The following CTNNA3 variants were observed in gnomAD, a reference collection of about 807,000 sequenced individuals.
The protein encoded by CTNNA3 is catenin alpha 3.
CTNNA3 carries 76 observed loss-of-function variants against 95.7 expected under a neutral mutation model. That is an observed-to-expected ratio of 0.79 (90% CI 0.66 to 0.96). The LOEUF is 0.96. CTNNA3 is among the 40% of genes least tolerant of loss of function. The probability of loss-of-function intolerance (pLI) is 0.00; values close to 1 mark genes in which losing one functional copy is unlikely to be tolerated. For synonymous variants in CTNNA3, 431 were observed against 374.4 expected (o/e 1.15, Z -1.74); for missense variants, 1,191 against 1,089.8 (o/e 1.09, Z -1.31).
intron 13 of CTNNA3, among the ~76,000 whole-genome samples, chr10:66,221,088 G>A (rs528091388): frequency 9.8e-5 from 15 of 152,286 alleles, no homozygotes; most frequent in African/African-American, 3.6e-4. Context: ...CTGTAAGTGT[G>A]TCTCCTATAC....
intron 12 of CTNNA3, among the ~76,000 whole-genome samples, chr10:66,311,377 C>A (rs2092018553): frequency 1.3e-5 from 2 of 152,178 alleles, no homozygotes; most frequent in Admixed American, 1.3e-4. Context: ...AGGTGTAAGG[C>A]AAAGCTGAAT....
At chr10:67,191,066 T>C (rs991373250) in intron 6 of CTNNA3, among the ~76,000 whole-genome samples, 3 of 151,994 alleles carry the variant, frequency 2.0e-5, no homozygotes, top group African/African-American at 7.2e-5. Flanking sequence ...AATGGCCAAA[T>C]TCCAGGACAC....
At chr10:66,901,857 G>A (rs1453597693) in intron 7 of CTNNA3, among the ~76,000 whole-genome samples, 1 of 152,180 alleles carries the variant, frequency 6.6e-6, no homozygotes, top group African/African-American at 2.4e-5. Context: ...ACCCAATACA[G>A]GAGCACCCAG....
At chr10:66,141,265 TAA>T (rs60266091) in intron 13 of CTNNA3, among the ~76,000 whole-genome samples, 12 of 135,646 alleles carry the variant, frequency 8.8e-5, no homozygotes, top group Non-Finnish European at 8.0e-5. Context: ...TGTCTCAGAT[TAA>T]AAAAAAAAAA....
At chr10:66,799,309 C>T (rs999807121) in intron 7 of CTNNA3, among the ~76,000 whole-genome samples, 18 of 151,358 alleles carry the variant, frequency 1.2e-4, no homozygotes, top group Non-Finnish European at 2.1e-4. Context: ...ATGAAGTTAA[C>T]GGACAAGGAC....
At chr10:66,941,397 G>A (rs1342809542) in intron 7 of CTNNA3, among the ~76,000 whole-genome samples, 5 of 152,180 alleles carry the variant, frequency 3.3e-5, no homozygotes, top group Admixed American at 3.3e-4. Flanking sequence ...TTTGCAACTA[G>A]GCACTGCCAG....
At chr10:66,583,547 A>G (rs1203524061) in intron 10 of CTNNA3, among the ~76,000 whole-genome samples, 2 of 151,748 alleles carry the variant, frequency 1.3e-5, no homozygotes, top group Non-Finnish European at 3.0e-5. Flanking sequence ...TTCATTTATA[A>G]TTAGTCTTAT....
At chr10:66,779,559 C>T (rs1455366481) in intron 7 of CTNNA3, among the ~76,000 whole-genome samples, 1 of 151,732 alleles carries the variant, frequency 6.6e-6, no homozygotes, top group Non-Finnish European at 1.5e-5. Context: ...GGTGGGTTTT[C>T]ACCATGTCAG....
chr10:66,705,932 A>C (rs1848102111), intron 9 of CTNNA3, among the ~76,000 whole-genome samples: 1 of 152,102 alleles, frequency 6.6e-6, no homozygotes, highest in African/African-American at 2.4e-5. Flanking sequence ...CCTAGACACA[A>C]GTATTTTCAA....
chr10:66,098,895 T>C (rs941175385), intron 14 of CTNNA3: 1 of 152,214 alleles, frequency 6.6e-6, no homozygotes, highest in Non-Finnish European at 1.5e-5. Context: ...AAGTCATGCA[T>C]TATTGGTCTT....
chr10:67,572,162 CT>C (rs1297542285), intron 3 of CTNNA3, among the ~76,000 whole-genome samples: 3 of 151,890 alleles, frequency 2.0e-5, no homozygotes, highest in East Asian at 1.9e-4. Context: ...CCAATTTTAC[CT>C]TTTTTTACAT....
chr10:66,978,960 C>CG (rs1850245889), intron 7 of CTNNA3, among the ~76,000 whole-genome samples: 1 of 83,784 alleles, frequency 1.2e-5, no homozygotes, highest in African/African-American at 4.5e-5. Context: ...TACTTATTTC[C>CG]TTTTTTTTTT....
chr10:67,298,262 C>G (rs575397921), intron 5 of CTNNA3, among the ~76,000 whole-genome samples: 2 of 152,328 alleles, frequency 1.3e-5, no homozygotes, highest in African/African-American at 4.8e-5. Flanking sequence ...TAGCATTTAT[C>G]CAGTAAATGG....
chr10:67,047,415 A>C (rs1206473939), intron 7 of CTNNA3, among the ~76,000 whole-genome samples: 3 of 152,172 alleles, frequency 2.0e-5, no homozygotes, highest in Non-Finnish European at 4.4e-5. Flanking sequence ...CAATGAAAGG[A>C]TAGTGCTAAG....
chr10:67,253,651 T>A (rs751008480), intron 5 of CTNNA3, among the ~76,000 whole-genome samples: 13 of 152,186 alleles, frequency 8.5e-5, no homozygotes, highest in Non-Finnish European at 1.6e-4. Flanking sequence ...GAGTAGAGAA[T>A]GCAGAGTCAG....
intron 5 of CTNNA3, among the ~76,000 whole-genome samples, chr10:67,417,394 T>C (rs1275546835): frequency 1.3e-5 from 2 of 152,152 alleles, no homozygotes; most frequent in African/African-American, 4.8e-5. Flanking sequence ...CTCGGCATCA[T>C]GCAATATTCC....
At chr10:66,171,038 C>T (rs1030906453) in intron 13 of CTNNA3, among the ~76,000 whole-genome samples, 1 of 151,806 alleles carries the variant, frequency 6.6e-6, no homozygotes, top group Non-Finnish European at 1.5e-5. Flanking sequence ...GAGGACAAGG[C>T]ACGAGAATCA....
chr10:66,267,120 C>G (rs1050166572), intron 13 of CTNNA3, among the ~76,000 whole-genome samples: 5 of 152,062 alleles, frequency 3.3e-5, no homozygotes, highest in African/African-American at 1.2e-4. Context: ...CCCAACCATA[C>G]AGGATGAATT....
At chr10:66,096,526 CTT>C (rs5785749) in intron 14 of CTNNA3, among the ~76,000 whole-genome samples, 37,079 of 135,150 alleles carry the variant, frequency 0.27, 4,517 homozygotes, top group East Asian at 0.31. Flanking sequence ...TCTTTTCTTT[CTT>C]TTTTTTTTTT....
Sources: allele counts gnomAD v4.1 joint callset (sites outside exome capture counted in the v4.1 genomes callset), GRCh38; gene constraint gnomAD v4.1.1; transcripts MANE v1.5; gene names NCBI Gene and HGNC (gene_info 2026-07-23, HGNC 2026-07-21).